The following TAFA5 variants were observed in gnomAD, a reference collection of about 807,000 sequenced individuals.
The protein encoded by TAFA5 is TAFA chemokine like family member 5.
In TAFA5, 6 loss-of-function variants were observed where a neutral mutation model predicts 15.3. The observed-to-expected ratio is 0.39, with a 90% confidence interval of 0.21 to 0.77. The LOEUF is 0.77. Among genes scored for constraint, TAFA5 ranks in the 30% least tolerant of loss-of-function variants. The pLI is 0.41. For missense variants in TAFA5, 161 were observed against 193.1 expected (o/e 0.83, Z 0.98); for synonymous variants, 103 against 80.7 (o/e 1.28, Z -1.48).
At chr22:48,643,993 C>T (rs905391640) in intron 1 of TAFA5, among the ~76,000 whole-genome samples, 2 of 152,224 alleles carry the variant, frequency 1.3e-5, no homozygotes, top group Admixed American at 6.5e-5. Context: ...AACGTGTGCT[C>T]GGGACCCGTC....
At chr22:48,629,616 C>A (rs1228360004) in intron 1 of TAFA5, among the ~76,000 whole-genome samples, 1 of 152,216 alleles carries the variant, frequency 6.6e-6, no homozygotes, top group Non-Finnish European at 1.5e-5. Flanking sequence ...TGCATGGTCT[C>A]CACTAGAGAT....
chr22:48,646,413 T>G (rs1002400295), intron 1 of TAFA5, among the ~76,000 whole-genome samples, 184 bp from the exon 2 acceptor site: 1 of 152,212 alleles, frequency 6.6e-6, no homozygotes, highest in Non-Finnish European at 1.5e-5. Flanking sequence ...CAGCTCTGGC[T>G]TCCATCGAGC....
At chr22:48,707,969 C>A in intron 3 of TAFA5, 125 bp downstream of exon 3, 1 of 1,297,770 alleles carries the variant, frequency 7.7e-7, no homozygotes, top group Non-Finnish European at 1.1e-6. Context: ...TGCAGAGAGG[C>A]CAGGGCCCTG....
chr22:48,698,093 ATGG>A lies in TAFA5; in HGVS notation c.263-9606_263-9604del, dbSNP rs1242122487. The stretch of plus-strand genomic sequence containing the variant: ...GATGGTGATGGTGATGGTGGTGATA[ATGG>A]TGGTGGTGGTGGTGGTGATGATAGC... On this transcript the variant is annotated intron_variant, in intron 2 of 3. Coordinates refer to ENST00000402357, the MANE Select transcript of TAFA5 (RefSeq NM_001082967.3). Among the ~76,000 whole-genome samples, 676 of 134,938 alleles carry A rather than the reference ATGG, an allele frequency of 5.0e-3. 10 individuals carry two copies. In the East Asian group the frequency reaches 0.058, roughly 11 times the overall value. 88.5% of individuals were successfully genotyped at this position (134,938 alleles called of 152,430 possible). A position where few individuals can be genotyped will look rare whatever the true frequency, so the allele number is the denominator to read the frequency against.
At chr22:48,592,869 C>T (rs1054074515) in intron 1 of TAFA5, among the ~76,000 whole-genome samples, 12 of 152,098 alleles carry the variant, frequency 7.9e-5, no homozygotes, top group African/African-American at 1.7e-4. Flanking sequence ...CTGTGTGTTC[C>T]GTGGTGGTCC....
At chr22:48,531,868 G>A (rs1055149874) in intron 1 of TAFA5, among the ~76,000 whole-genome samples, 1 of 152,196 alleles carries the variant, frequency 6.6e-6, no homozygotes, top group Non-Finnish European at 1.5e-5. Flanking sequence ...AAGGACGGAC[G>A]GGCCTGGCAG....
intron 3 of TAFA5, among the ~76,000 whole-genome samples, chr22:48,735,748 C>T (rs1002445232): frequency 5.9e-5 from 9 of 151,358 alleles, no homozygotes; most frequent in Admixed American, 3.3e-4. Flanking sequence ...GTCCATCCCC[C>T]GAGGAGGAAT....
chr22:48,576,323 C>T (rs1335119861), intron 1 of TAFA5: 21 of 1,188,772 alleles, frequency 1.8e-5, no homozygotes, highest in African/African-American at 9.6e-5. Context: ...CAAATCGCCT[C>T]CCGGAGTGGC....
intron 1 of TAFA5, among the ~76,000 whole-genome samples, chr22:48,584,546 TCA>T (rs1450331436): frequency 8.9e-6 from 1 of 112,688 alleles, no homozygotes; most frequent in Non-Finnish European, 1.8e-5. Flanking sequence ...TACACACACA[TCA>T]CACACACTAC....
chr22:48,633,510 CTGTCTGTCTGTCTG>C (rs1445373697), intron 1 of TAFA5, among the ~76,000 whole-genome samples: 108 of 73,434 alleles, frequency 1.5e-3, no homozygotes, highest in African/African-American at 5.0e-3. Context: ...GTCTGTCTGT[CTGTCTGTCTGTCTG>C]TCTGTCTGTC....
rs1951104673 is a variant in TAFA5, at chr22:48,749,940, C to G, written c.*93C>G. The G allele has an allele frequency of 8.3e-7, 1 of 1,200,028 alleles. No homozygotes were observed. Among genetic ancestry groups the G allele is most frequent in the African/African-American group, 1.5e-5 (1 of 66,386 alleles). 74.3% of individuals were successfully genotyped at this position (1,200,028 alleles called of 1,614,324 possible). A position where few individuals can be genotyped will look rare whatever the true frequency, so the allele number is the denominator to read the frequency against. On this transcript the variant is annotated 3_prime_UTR_variant, in exon 4 of 4. Transcript: ENST00000402357. ...GTTCTCCACTCGCCTCGGACTTCAC[C>G]CGTTCTCTGCCGCCCGCCCACTCCG... is the stretch of plus-strand genomic sequence containing the variant.
intron 2 of TAFA5, among the ~76,000 whole-genome samples, chr22:48,683,652 C>T (rs569920730): frequency 1.2e-4 from 19 of 152,386 alleles, no homozygotes; most frequent in African/African-American, 3.8e-4. Context: ...CAGTTCAACG[C>T]TTTCTATCAC....
chr22:48,549,208 C>T (rs1007785647), intron 1 of TAFA5, among the ~76,000 whole-genome samples: 1 of 152,224 alleles, frequency 6.6e-6, no homozygotes, highest in Non-Finnish European at 1.5e-5. Flanking sequence ...TAGACAGTCA[C>T]CAAAAAATTA....
rs546693781 is a variant in TAFA5, at chr22:48,593,198, C to G, written c.113-53399C>G. On this transcript the variant is annotated intron_variant, in intron 1 of 3. Coordinates refer to ENST00000402357, the MANE Select transcript of TAFA5 (RefSeq NM_001082967.3). The stretch of plus-strand genomic sequence containing the variant: ...TTGACGTCCTGAGGCCGAGGCCAGC[C>G]CAGGACCCCACCTGTGTCCCCAGCA... Among the ~76,000 whole-genome samples, 718 of 152,328 alleles carry G rather than the reference C, an allele frequency of 4.7e-3. 7 individuals carry two copies. Among genetic ancestry groups the G allele is most frequent in the African/African-American group, 0.017 (694 of 41,576 alleles).
At chr22:48,655,830 CTTTTTTTT>C (rs1197219539) in intron 2 of TAFA5, among the ~76,000 whole-genome samples, 2 of 62,408 alleles carry the variant, frequency 3.2e-5, no homozygotes, top group African/African-American at 1.5e-4. Flanking sequence ...AACACTGATT[CTTTTTTTT>C]TTTTTTTTTT....
At chr22:48,693,444 ACT>A in intron 2 of TAFA5, 1 of 1,603,286 alleles carries the variant, frequency 6.2e-7, no homozygotes. Flanking sequence ...AGGGACTGCG[ACT>A]CTTGCAGATG....
rs984088086 is a variant in TAFA5 at position 48,489,559 on chromosome 22, C to T, written c.-34C>T. 2 of 1,288,764 alleles carry T rather than the reference C, an allele frequency of 1.6e-6. No individual in the cohort carries two copies. Among genetic ancestry groups the T allele is most frequent in the Admixed American group, 2.9e-5 (1 of 34,038 alleles). 79.8% of individuals were successfully genotyped at this position (1,288,764 alleles called of 1,614,324 possible). A position where few individuals can be genotyped will look rare whatever the true frequency, so the allele number is the denominator to read the frequency against. On this transcript the variant is annotated 5_prime_UTR_variant, in exon 1 of 4. Transcript: ENST00000402357. The surrounding 1 kb of genome is among the most constrained non-coding windows in gnomAD (Gnocchi z 5.5). ...GCGGGCAGGGCCGGCTGCTGAGACG[C>T]GCTGCTGCCCCCCGCGCGGGCGCCG... is the stretch of plus-strand genomic sequence containing the variant.
intron 1 of TAFA5, among the ~76,000 whole-genome samples, chr22:48,503,332 T>A (rs935676740): frequency 6.6e-6 from 1 of 152,256 alleles, no homozygotes; most frequent in Non-Finnish European, 1.5e-5. Context: ...AGCCACTGAC[T>A]CGTGGGCCCC....
chr22:48,673,432 G>C (rs1297523875), intron 2 of TAFA5, among the ~76,000 whole-genome samples: 1 of 152,192 alleles, frequency 6.6e-6, no homozygotes, highest in Non-Finnish European at 1.5e-5. Flanking sequence ...GACAACAGAG[G>C]ATTAGGCCTG....
Sources: allele counts gnomAD v4.1 joint callset (sites outside exome capture counted in the v4.1 genomes callset), GRCh38; gene constraint gnomAD v4.1.1; non-coding constraint Gnocchi (gnomAD v3.1); transcripts MANE v1.5; gene names NCBI Gene and HGNC (gene_info 2026-07-23, HGNC 2026-07-21).